Variants in SNED1 observed in about 807,000 individuals in gnomAD.
SNED1 encodes the protein sushi, nidogen and EGF-like domain-containing protein 1.
A neutral mutation model predicts 166.7 loss-of-function variants in SNED1; 81 were observed. The ratio of observed to expected loss-of-function variants is 0.49; its 90% confidence interval spans 0.41 to 0.58. The LOEUF (loss-of-function observed/expected upper bound fraction) is 0.58, where lower values mean the gene tolerates loss of function less well. Among genes scored for constraint, SNED1 ranks in the 20% least tolerant of loss-of-function variants. SNED1 has a pLI of 0.00. For synonymous variants in SNED1, 762 were observed against 822.0 expected, an observed-to-expected ratio of 0.93 and a Z score of 1.25; for missense variants, 1,604 against 2,000.2, an observed-to-expected ratio of 0.80 and a Z score of 3.78.
At chr2:241,081,090 C>T (rs2125300432) in intron 27 of SNED1, among the ~76,000 whole-genome samples, 1 of 152,354 alleles carries the variant, frequency 6.6e-6, no homozygotes, top group African/African-American at 2.4e-5. Flanking sequence ...TCGAGTGGGA[C>T]TTGGACACAT....
intron 1 of SNED1, among the ~76,000 whole-genome samples, chr2:241,003,457 A>G (rs1452620628): frequency 1.3e-5 from 2 of 152,212 alleles, no homozygotes. Context: ...TGGTGGGCTC[A>G]TGGTCTTGGC....
chr2:241,035,227 C>T (rs2061310794), intron 4 of SNED1, among the ~76,000 whole-genome samples: 1 of 152,150 alleles, frequency 6.6e-6, no homozygotes, highest in South Asian at 2.1e-4. Flanking sequence ...CACCCAGGTC[C>T]TCATTTTTGC....
Position 241,069,030 on chromosome 2 carries a change from A to G in SNED1, c.3307+7A>G, listed in dbSNP as rs1163433556. 6.5e-7 allele frequency: 1 copy of G among 1,541,796 alleles called. No individual in the cohort carries two copies. The highest frequency in any genetic ancestry group is 2.4e-5 in the East Asian group (1 of 40,842). On this transcript the variant is annotated splice_region_variant and intron_variant, in intron 23 of 31. Coordinates refer to ENST00000310397, the MANE Select transcript of SNED1 (RefSeq NM_001080437.3). This position sits in a 1 kb window ranked among gnomAD's most constrained non-coding sequence, Gnocchi z 4.9. Reference sequence around the variant, plus strand: ...CCGACGCACGTGTGGACCCGTGAGTAGAGCAGCGCGGCCCCCGGCACACGA... The same window carrying G: ...CCGACGCACGTGTGGACCCGTGAGTGGAGCAGCGCGGCCCCCGGCACACGA...
Position 241,048,418 on chromosome 2 carries a change from C to T in SNED1, c.1377C>T (p.Phe459=). Residue 459 remains phenylalanine (F), a synonymous_variant, in exon 9 of 32, where the codon TTC becomes TTT. Transcript: ENST00000310397. ...ACGTGTGCGAGTGCCCCGAAGGCTT[C>T]ATGGGCCTGGACTGCAGGGAGAGTG... is the stretch of plus-strand genomic sequence containing the variant. ...QGYVCECPEG[F]MGLDCRERVP... 1.2e-6 allele frequency: 2 copies of T among 1,610,074 alleles called. No homozygotes were observed. Among genetic ancestry groups the T allele is most frequent in the Non-Finnish European group, 8.5e-7 (1 of 1,178,324 alleles).
intron 27 of SNED1, among the ~76,000 whole-genome samples, chr2:241,078,476 G>A (rs756435833): frequency 6.6e-6 from 1 of 151,690 alleles, no homozygotes; most frequent in African/African-American, 2.4e-5. Context: ...AAACAAGGAC[G>A]CATGCTGCAT....
rs750019042 is a variant in SNED1, at chr2:241,065,594, G to A, written c.3009G>A (p.Thr1003=). The A allele has an allele frequency of 2.3e-5, 37 of 1,610,914 alleles. No homozygotes were observed. Among genetic ancestry groups the A allele is most frequent in the Middle Eastern group, 3.6e-4 (2 of 5,576 alleles). Residue 1003 remains threonine (T), a splice_region_variant and synonymous_variant, in exon 21 of 32, where the codon ACG becomes ACA. Coordinates refer to ENST00000310397, the MANE Select transcript of SNED1 (RefSeq NM_001080437.3). The part of the protein sequence containing the change: ...ISRPAVLLAR[T]RPRPVEGFEV... Reference sequence around the variant, plus strand: ...GGCCTGCCGTGCTGCTGGCCCGCACGCGTGAGTGTCCCCGAGCCTGGCCGT... The same window carrying A: ...GGCCTGCCGTGCTGCTGGCCCGCACACGTGAGTGTCCCCGAGCCTGGCCGT...
At chr2:241,036,671 C>G (rs2061380995) in intron 4 of SNED1, 119 bp from the exon 5 acceptor site, 1 of 1,360,854 alleles carries the variant, frequency 7.3e-7, no homozygotes, top group Non-Finnish European at 1.0e-6. Flanking sequence ...TGCGGTCACC[C>G]GGGCACCCAG....
At position 241,069,045 on chromosome 2, in the gene SNED1, C is replaced by G. The variant is rs1443945820; in HGVS notation, c.3307+22C>G. 6.6e-7 allele frequency: 1 copy of G among 1,505,002 alleles called. No individual in the cohort carries two copies. Among genetic ancestry groups the G allele is most frequent in the Non-Finnish European group, 9.0e-7 (1 of 1,110,394 alleles). The allele number at this position is 1,505,002 out of a possible 1,614,324, so 93.2% of individuals were successfully genotyped here. A position where few individuals can be genotyped will look rare whatever the true frequency, so the allele number is the denominator to read the frequency against. ...ACCCGTGAGTAGAGCAGCGCGGCCC[C>G]CGGCACACGAAAGGCCGTCTTCTAG... On this transcript the variant is annotated intron_variant, in intron 23 of 31. Coordinates refer to ENST00000310397, the MANE Select transcript of SNED1 (RefSeq NM_001080437.3). This position sits in a 1 kb window ranked among gnomAD's most constrained non-coding sequence, Gnocchi z 4.9.
intron 1 of SNED1, among the ~76,000 whole-genome samples, chr2:241,027,398 T>C (rs1380192855): frequency 6.6e-6 from 1 of 152,226 alleles, no homozygotes; most frequent in African/African-American, 2.4e-5. Context: ...CCTTACTTTT[T>C]AAGGCTAAAT....
At chr2:241,017,384 G>A (rs1001870856) in intron 1 of SNED1, among the ~76,000 whole-genome samples, 5 of 152,246 alleles carry the variant, frequency 3.3e-5, no homozygotes, top group Admixed American at 2.0e-4. Flanking sequence ...GCCGTACACA[G>A]TGGGTTTACA....
chr2:241,070,092 G>C lies in SNED1; in HGVS notation c.3480G>C (p.Thr1160=). 6.2e-7 allele frequency: 1 copy of C among 1,613,048 alleles called. No individual in the cohort carries two copies. The highest frequency in any genetic ancestry group is 8.5e-7 in the Non-Finnish European group (1 of 1,179,884). ...CCAACGGGAAGCTGGCGTCCTACAC[G>C]GTGCGCGACCTGCTGCCGGGACGGC... ...YVPNGKLASY[T]VRDLLPGRRY... is the part of the protein sequence containing the mutation. The change falls in exon 24 of 32, where the codon ACG becomes ACC. Residue 1160 remains threonine, a synonymous_variant. Coordinates refer to ENST00000310397, the MANE Select transcript of SNED1 (RefSeq NM_001080437.3).
In SNED1 at chr2:241,082,264, T is replaced by G. The variant is rs1399042941; in HGVS notation, c.4034-13T>G. On this transcript the variant is annotated splice_polypyrimidine_tract_variant and intron_variant, in intron 28 of 31. Transcript: ENST00000310397. ...AGGAGCACCTGGTGAGCCACTGCCCTTCTTTGTCGCAGCCTGTATAAAGGT... is the reference window on the plus strand; with the variant it reads ...AGGAGCACCTGGTGAGCCACTGCCCGTCTTTGTCGCAGCCTGTATAAAGGT... 1.9e-6 allele frequency: 3 copies of G among 1,595,276 alleles called. No individual in the cohort carries two copies. The highest frequency in any genetic ancestry group is 2.2e-5 in the South Asian group (2 of 90,352).
At chr2:241,082,192 C>T in intron 28 of SNED1, 85 bp from the exon 29 acceptor site, 2 of 1,093,954 alleles carry the variant, frequency 1.8e-6, no homozygotes, top group Non-Finnish European at 2.7e-6. Context: ...GACCCCCGGG[C>T]CCTCTCCCTT....
upstream of SNED1, among the ~76,000 whole-genome samples, chr2:240,997,881 G>A (rs143383739): frequency 2.0e-5 from 3 of 152,164 alleles, no homozygotes; most frequent in African/African-American, 7.2e-5. Flanking sequence ...AGGCAGCCCA[G>A]GCCAGCAGCC....
chr2:241,035,984 GGCGGAGGCGCGTCACGGGGAGGGGA>G (rs2061346529), intron 4 of SNED1, among the ~76,000 whole-genome samples: 3 of 103,506 alleles, frequency 2.9e-5, no homozygotes, highest in South Asian at 4.1e-4. Flanking sequence ...AGGGGTGGGG[GGCGGAGGCGCGTCACGGGGAGGGGA>G]GTGGGGGGTG....
At chr2:241,060,609 TAAATC>T (rs1189531905) in intron 16 of SNED1, among the ~76,000 whole-genome samples, 1 of 151,452 alleles carries the variant, frequency 6.6e-6, no homozygotes, top group Non-Finnish European at 1.5e-5. Context: ...ACACTGGAAT[TAAATC>T]CAGGTGGATT....
At position 241,071,634 on chromosome 2, in the gene SNED1, C is replaced by A. The variant is rs1284556540; in HGVS notation, c.3648C>A (p.Leu1216=). ...AGGGAGGACACCACCCTCGGGTGCTCAAGAACAGACCGCCCCCGGCGCGCC... is the reference window on the plus strand; with the variant it reads ...AGGGAGGACACCACCCTCGGGTGCTAAAGAACAGACCGCCCCCGGCGCGCC... ...WHQGGHHPRV[L]KNRPPPARLP... is the part of the protein sequence containing the mutation. Residue 1216 remains leucine (L), a synonymous_variant, in exon 25 of 32, where the codon CTC becomes CTA. Coordinates refer to ENST00000310397, the MANE Select transcript of SNED1 (RefSeq NM_001080437.3). 5 of 1,584,834 alleles carry A rather than the reference C, an allele frequency of 3.2e-6. No homozygotes were observed. Among genetic ancestry groups the A allele is most frequent in the Non-Finnish European group, 4.3e-6 (5 of 1,172,924 alleles).
chr2:241,048,927 C>A, intron 10 of SNED1, 95 bp from the exon 11 acceptor site: 2 of 1,264,810 alleles, frequency 1.6e-6, no homozygotes, highest in Non-Finnish European at 1.1e-6. Context: ...CCTGTTGGGG[C>A]CACTGGGTCT....
chr2:240,999,873 G>T lies in SNED1; in HGVS notation c.213+823G>T, dbSNP rs531885426. 1.3e-5 allele frequency among the ~76,000 whole-genome samples: 2 copies of T among 152,240 alleles called. No individual in the cohort carries two copies. The highest frequency in any genetic ancestry group is 2.9e-5 in the Non-Finnish European group (2 of 67,994). ...GTAGGCCACGGTGCACTGGTACCTGGTGGTTCCCTGAAACACCCCAGATCA... is the reference window on the plus strand; with the variant it reads ...GTAGGCCACGGTGCACTGGTACCTGTTGGTTCCCTGAAACACCCCAGATCA... On this transcript the variant is annotated intron_variant, in intron 1 of 31. Coordinates refer to ENST00000310397, the MANE Select transcript of SNED1 (RefSeq NM_001080437.3). This position sits in a 1 kb window ranked among gnomAD's most constrained non-coding sequence, Gnocchi z 5.8.
Sources: gnomAD v4.1 joint callset for allele counts (sites outside exome capture counted in the v4.1 genomes callset) on GRCh38, gnomAD v4.1.1 for gene constraint, Gnocchi (gnomAD v3.1) non-coding constraint, MANE v1.5 for transcripts, NCBI Gene and HGNC (gene_info 2026-07-23, HGNC 2026-07-21) for gene names.